Variants in SRPK1 observed in about 807,000 individuals in gnomAD.
The protein encoded by SRPK1 is SFRS protein kinase 1.
In SRPK1, 52 loss-of-function variants were observed where a neutral mutation model predicts 89.5. The observed-to-expected ratio is 0.58, with a 90% CI of 0.46 to 0.73. The LOEUF is 0.73. SRPK1 is among the 30% of genes least tolerant of loss of function. SRPK1 has a pLI of 0.00. For missense variants in SRPK1, 603 were observed against 780.6 expected (o/e 0.77, Z 2.71); for synonymous variants, 255 against 270.2 (o/e 0.94, Z 0.55).
At chr6:35,903,449 T>G (rs745986979) in intron 2 of SRPK1, among the ~76,000 whole-genome samples, 1 of 151,714 alleles carries the variant, frequency 6.6e-6, no homozygotes, top group African/African-American at 2.4e-5. Flanking sequence ...GAGACAGAGG[T>G]TGCAGTGAGC....
chr6:35,892,600 C>T (rs181507128), intron 2 of SRPK1, among the ~76,000 whole-genome samples: 115 of 151,632 alleles, frequency 7.6e-4, no homozygotes, highest in Non-Finnish European at 1.4e-3. Context: ...TACAGTGAGC[C>T]GAAATCGCGT....
At chr6:35,848,165 C>T (rs961125742) in intron 13 of SRPK1, among the ~76,000 whole-genome samples, 1 of 152,176 alleles carries the variant, frequency 6.6e-6, no homozygotes, top group Non-Finnish European at 1.5e-5. Context: ...ATTCCTATCA[C>T]AATTCCAATA....
Position 35,869,085 on chromosome 6 carries a change from A to C in SRPK1, c.1437T>G (p.Leu479=). ...CATTTTTTGGCTCAAGGGGATTAAC[A>C]AGAAAATTTCCAGCCGTGGATTTTC... ...NKGKSTAGNF[L]VNPLEPKNAE... The change falls in exon 12 of 16, where the codon CTT becomes CTG. Residue 479 remains leucine (L), a synonymous_variant. Coordinates refer to ENST00000373825, the MANE Select transcript of SRPK1 (RefSeq NM_003137.5). 6.2e-7 allele frequency: 1 copy of C among 1,613,966 alleles called. No individual in the cohort carries two copies. Among genetic ancestry groups the C allele is most frequent in the Non-Finnish European group, 8.5e-7 (1 of 1,179,922 alleles).
intron 12 of SRPK1, among the ~76,000 whole-genome samples, chr6:35,862,062 C>A (rs1401598576): frequency 6.6e-6 from 1 of 151,974 alleles, no homozygotes; most frequent in Non-Finnish European, 1.5e-5. Context: ...CCCCCTCCGA[C>A]CCATCACAGC....
intron 13 of SRPK1, among the ~76,000 whole-genome samples, chr6:35,843,127 C>A (rs557076848): frequency 6.6e-6 from 1 of 151,728 alleles, no homozygotes; most frequent in African/African-American, 2.4e-5. Flanking sequence ...CACCACCACG[C>A]CCAGCTAATT....
At chr6:35,861,861 A>G (rs1769789711) in intron 12 of SRPK1, among the ~76,000 whole-genome samples, 1 of 152,086 alleles carries the variant, frequency 6.6e-6, no homozygotes, top group Admixed American at 6.5e-5. Flanking sequence ...GAGGGAACCT[A>G]CCCTCTCAGT....
intron 13 of SRPK1, among the ~76,000 whole-genome samples, chr6:35,852,283 T>C (rs1393138768): frequency 6.6e-6 from 1 of 152,176 alleles, no homozygotes; most frequent in East Asian, 1.9e-4. Flanking sequence ...CTGAGAGCAA[T>C]GCCTGGGATT....
At chr6:35,894,636 G>A (rs540530476) in intron 2 of SRPK1, among the ~76,000 whole-genome samples, 1 of 152,080 alleles carries the variant, frequency 6.6e-6, no homozygotes, top group South Asian at 2.1e-4. Context: ...AAGGCTTCTA[G>A]GTAAAAAAAG....
At chr6:35,845,690 T>C (rs914334657) in intron 13 of SRPK1, among the ~76,000 whole-genome samples, 3 of 152,044 alleles carry the variant, frequency 2.0e-5, no homozygotes, top group African/African-American at 7.2e-5. Context: ...TGCCAAGGAG[T>C]GATTACCAAA....
chr6:35,898,731 CA>C (rs942162111), intron 2 of SRPK1, among the ~76,000 whole-genome samples: 3 of 151,888 alleles, frequency 2.0e-5, no homozygotes, highest in African/African-American at 7.3e-5. Context: ...GACTCCATCT[CA>C]AAAAAGTTAA....
chr6:35,908,506 T>G (rs1308886937), intron 2 of SRPK1, among the ~76,000 whole-genome samples: 2 of 152,216 alleles, frequency 1.3e-5, no homozygotes, highest in Non-Finnish European at 2.9e-5. Context: ...TTAGGGTATT[T>G]GGCAGAAGAA....
chr6:35,879,286 C>A (rs1201887117), intron 6 of SRPK1, among the ~76,000 whole-genome samples: 1 of 152,136 alleles, frequency 6.6e-6, no homozygotes, highest in Non-Finnish European at 1.5e-5. Context: ...GCGGCTCATG[C>A]ACGTAATCCC....
intron 7 of SRPK1, among the ~76,000 whole-genome samples, chr6:35,873,679 G>A (rs1371460342): frequency 4.0e-5 from 6 of 151,688 alleles, no homozygotes; most frequent in East Asian, 2.0e-4. Flanking sequence ...TAGTAGAGAC[G>A]GGGTTTCGCA....
chr6:35,892,683 CAACAACGACA>C lies in SRPK1; in HGVS notation c.75-1680_75-1671del, dbSNP rs761269675. Among the ~76,000 whole-genome samples, 268 of 139,170 alleles carry C rather than the reference CAACAACGACA, an allele frequency of 1.9e-3. 1 individual carries two copies. Among genetic ancestry groups the C allele is most frequent in the Middle Eastern group, 0.011 (3 of 282 alleles). 91.3% of individuals were successfully genotyped at this position (139,170 alleles called of 152,430 possible). A position where few individuals can be genotyped will look rare whatever the true frequency, so the allele number is the denominator to read the frequency against. On this transcript the variant is annotated intron_variant, in intron 2 of 15. Transcript: ENST00000373825. ...ACAACAACAACAACAACAACAACAA[CAACAACGACA>C]ACAACACAAAACAAAACAAAACAAA...
chr6:35,841,624 G>A (rs1225564130), intron 14 of SRPK1, among the ~76,000 whole-genome samples: 1 of 152,094 alleles, frequency 6.6e-6, no homozygotes, highest in Non-Finnish European at 1.5e-5. Context: ...ACGAGGTCAA[G>A]AGACAGAGAC....
intron 2 of SRPK1, among the ~76,000 whole-genome samples, chr6:35,906,360 G>A (rs547627094): frequency 1.3e-5 from 2 of 152,234 alleles, no homozygotes; most frequent in South Asian, 2.1e-4. Flanking sequence ...GAGTAGCTGG[G>A]ATTACAGGCG....
chr6:35,888,587 ATTAAT>A (rs982928347), intron 4 of SRPK1, among the ~76,000 whole-genome samples: 15 of 152,260 alleles, frequency 9.9e-5, no homozygotes, highest in African/African-American at 3.4e-4. Context: ...CTTTACCAGC[ATTAAT>A]TTAATCACTC....
At chr6:35,909,330 G>T (rs1417682345) in intron 2 of SRPK1, among the ~76,000 whole-genome samples, 1 of 152,182 alleles carries the variant, frequency 6.6e-6, no homozygotes, top group Non-Finnish European at 1.5e-5. Flanking sequence ...ACTTTAATGG[G>T]GTCTGTAGCC....
intron 6 of SRPK1, among the ~76,000 whole-genome samples, chr6:35,882,677 T>C (rs965421801): frequency 3.3e-5 from 5 of 152,158 alleles, no homozygotes; most frequent in African/African-American, 1.2e-4. Flanking sequence ...GGCTACAGAA[T>C]TATCAGGAGG....
Sources: allele counts gnomAD v4.1 joint callset (sites outside exome capture counted in the v4.1 genomes callset), GRCh38; gene constraint gnomAD v4.1.1; transcripts MANE v1.5; gene names NCBI Gene and HGNC (gene_info 2026-07-23, HGNC 2026-07-21).